The following ZFYVE28 variants were observed in gnomAD, a reference collection of about 807,000 sequenced individuals.
The protein encoded by ZFYVE28 is lateral signaling target protein 2 homolog.
Under a neutral mutation model 82.1 loss-of-function variants are expected in ZFYVE28, and 40 were observed. That is an observed-to-expected ratio of 0.49 (90% CI 0.38 to 0.63). The LOEUF is 0.63. ZFYVE28 is among the 30% of genes least tolerant of loss of function. The pLI is 0.00. For synonymous variants in ZFYVE28, 612 were observed against 546.1 expected (o/e 1.12, Z -1.68); for missense variants, 1,321 against 1,242.1 (o/e 1.06, Z -0.96).
intron 7 of ZFYVE28, among the ~76,000 whole-genome samples, chr4:2,318,186 A>G (rs530358334): frequency 4.6e-5 from 7 of 152,348 alleles, no homozygotes; most frequent in African/African-American, 1.7e-4. Flanking sequence ...AGTAGACTGC[A>G]GCTCACCTCC....
rs1000371024 is a variant in ZFYVE28 at position 2,335,546 on chromosome 4, T to A, written c.701+159A>T. ...CAGGACACGTGGTCCCCTGGTCTGC[T>A]GAGGGCTGACAGCAGGCCTGCCTGT... On this transcript the variant is annotated intron_variant, in intron 6 of 12. Transcript: ENST00000290974. This position sits in a 1 kb window ranked among gnomAD's most constrained non-coding sequence, Gnocchi z 5.8. Among the ~76,000 whole-genome samples the A allele has an allele frequency of 7.9e-5, 12 of 152,266 alleles. No individual in the cohort carries two copies. The highest frequency in any genetic ancestry group is 2.6e-4 in the African/African-American group (11 of 41,546).
intron 1 of ZFYVE28, among the ~76,000 whole-genome samples, chr4:2,374,953 G>T (rs1727961589): frequency 6.6e-6 from 1 of 152,222 alleles, no homozygotes; most frequent in Non-Finnish European, 1.5e-5. Context: ...CCGTGGATAA[G>T]GACAGAGCCC....
At chr4:2,405,244 G>A (rs1009726342) in intron 1 of ZFYVE28, among the ~76,000 whole-genome samples, 24 of 152,244 alleles carry the variant, frequency 1.6e-4, no homozygotes, top group Admixed American at 2.6e-4. Flanking sequence ...TACTCCAAGC[G>A]GCACCGCGAA....
chr4:2,310,023 A>G lies in ZFYVE28; in HGVS notation c.804-4487T>C, dbSNP rs567862811. ...TTTCCATATGTTAAGCCAGTCTTGCATATCTGGAATACATTTCTTTTTTTT... is the reference window on the plus strand; with the variant it reads ...TTTCCATATGTTAAGCCAGTCTTGCGTATCTGGAATACATTTCTTTTTTTT... On this transcript the variant is annotated intron_variant, in intron 7 of 12. Coordinates refer to ENST00000290974, the MANE Select transcript of ZFYVE28 (RefSeq NM_020972.3). 2.6e-5 allele frequency among the ~76,000 whole-genome samples: 4 copies of G among 152,178 alleles called. No individual in the cohort carries two copies. The South Asian group carries it at 8.3e-4, about 32-fold the overall frequency.
chr4:2,352,362 G>A lies in ZFYVE28; in HGVS notation c.180+1571C>T, dbSNP rs115364185. 9.4e-3 allele frequency among the ~76,000 whole-genome samples: 1,429 copies of A among 152,066 alleles called. 19 individuals carry two copies. Among genetic ancestry groups the A allele is most frequent in the African/African-American group, 0.032 (1,340 of 41,434 alleles). On this transcript the variant is annotated intron_variant, in intron 2 of 12. Transcript: ENST00000290974. ...GACAGGAAGAGGCCAAGGACTGGGC[G>A]TGGGACCCACATGGAGGAGGCTGGG...
chr4:2,336,717 A>AAGGAGTAAGGAGGTG lies in ZFYVE28; in HGVS notation c.611+675_611+689dup, dbSNP rs1277115221. The stretch of plus-strand genomic sequence containing the variant: ...GTGAGAATGTGAGAAATAAGGAGCT[A>AAGGAGTAAGGAGGTG]AGGAGTAAGGAGGTGAGGAGTAAGG... On this transcript the variant is annotated intron_variant, in intron 5 of 12. Transcript: ENST00000290974. Among the ~76,000 whole-genome samples, 309 of 144,846 alleles carry AAGGAGTAAGGAGGTG rather than the reference A, an allele frequency of 2.1e-3. 1 individual carries two copies. Among genetic ancestry groups the AAGGAGTAAGGAGGTG allele is most frequent in the African/African-American group, 7.6e-3 (291 of 38,518 alleles).
intron 1 of ZFYVE28, among the ~76,000 whole-genome samples, chr4:2,393,208 G>A (rs755134099): frequency 6.6e-5 from 10 of 152,322 alleles, no homozygotes; most frequent in South Asian, 4.1e-4. Flanking sequence ...AAATCTCACC[G>A]CATCCGCTGC....
chr4:2,395,077 A>G (rs1448018061), intron 1 of ZFYVE28, among the ~76,000 whole-genome samples: 3 of 152,184 alleles, frequency 2.0e-5, no homozygotes, highest in Non-Finnish European at 4.4e-5. Context: ...ATCGTACCCA[A>G]TAAGATAACT....
At chr4:2,403,744 C>G (rs965698752) in intron 1 of ZFYVE28, among the ~76,000 whole-genome samples, 1 of 152,066 alleles carries the variant, frequency 6.6e-6, no homozygotes, top group African/African-American at 2.4e-5. Flanking sequence ...GCAGGTGAAT[C>G]ACCTGAGGTC....
intron 1 of ZFYVE28, among the ~76,000 whole-genome samples, chr4:2,414,396 G>A (rs140820375): frequency 0.011 from 1,687 of 152,340 alleles, 10 homozygotes; most frequent in Non-Finnish European, 0.018. Context: ...CCATGTCATC[G>A]CTAATCTGGG....
Position 2,305,380 on chromosome 4 carries a change from G to C in ZFYVE28, c.960C>G (p.Leu320=), listed in dbSNP as rs980305291. The C allele has an allele frequency of 3.1e-6, 5 of 1,612,792 alleles. No individual in the cohort carries two copies. Among genetic ancestry groups the C allele is most frequent in the Non-Finnish European group, 4.2e-6 (5 of 1,179,818 alleles). Residue 320 remains leucine, a synonymous_variant, in exon 8 of 13, where the codon CTC becomes CTG. Coordinates refer to ENST00000290974, the MANE Select transcript of ZFYVE28 (RefSeq NM_020972.3). The part of the protein sequence containing the change: ...LSAPLPPEGP[L]SAKAKDPDAE... Reference sequence around the variant, plus strand: ...CATCCGGGTCTTTGGCCTTAGCTGAGAGTGGCCCCTCAGGGGGGAGAGGGG... The same window carrying C: ...CATCCGGGTCTTTGGCCTTAGCTGACAGTGGCCCCTCAGGGGGGAGAGGGG...
chr4:2,311,600 G>GTTCT (rs1717482070), intron 7 of ZFYVE28, among the ~76,000 whole-genome samples: 1 of 152,064 alleles, frequency 6.6e-6, no homozygotes, highest in African/African-American at 2.4e-5. Context: ...ATTGACATCT[G>GTTCT]TTCTTATTTT....
intron 1 of ZFYVE28, among the ~76,000 whole-genome samples, chr4:2,371,786 A>G (rs538010100): frequency 6.6e-6 from 1 of 152,380 alleles, no homozygotes; most frequent in Non-Finnish European, 1.5e-5. Flanking sequence ...TCTGGCCACT[A>G]AGGCTGGCCT....
chr4:2,307,661 T>TA (rs1320015422), intron 7 of ZFYVE28, among the ~76,000 whole-genome samples: 3 of 152,178 alleles, frequency 2.0e-5, no homozygotes, highest in African/African-American at 7.2e-5. Flanking sequence ...TATTTTTAAT[T>TA]AAAAAAATTT....
At chr4:2,399,014 G>T (rs1468571663) in intron 1 of ZFYVE28, among the ~76,000 whole-genome samples, 2 of 143,684 alleles carry the variant, frequency 1.4e-5, no homozygotes, top group Non-Finnish European at 3.0e-5. Flanking sequence ...GGAGGGGCGA[G>T]ATCTAGGGCA....
chr4:2,274,751 G>A (rs1458503932), intron 8 of ZFYVE28, among the ~76,000 whole-genome samples: 3 of 152,188 alleles, frequency 2.0e-5, no homozygotes, highest in Non-Finnish European at 2.9e-5. Flanking sequence ...AAAGACAAAC[G>A]TCCTTATAAG....
In ZFYVE28 at chr4:2,396,630, C is replaced by T. The variant is rs112237465; in HGVS notation, c.39+21655G>A. ...GCCATCCTGCAGAGGGGACACAAGG[C>T]GGGGGTGTCTGAGCTGATGGGACCA... On this transcript the variant is annotated intron_variant, in intron 1 of 12. Coordinates refer to ENST00000290974, the MANE Select transcript of ZFYVE28 (RefSeq NM_020972.3). Among the ~76,000 whole-genome samples the T allele has an allele frequency of 2.7e-3, 39 of 14,190 alleles. 11 individuals are homozygous for T. Among genetic ancestry groups the T allele is most frequent in the African/African-American group, 0.025 (27 of 1,062 alleles). 9.3% of individuals were successfully genotyped at this position (14,190 alleles called of 152,430 possible). A position where few individuals can be genotyped will look rare whatever the true frequency, so the allele number is the denominator to read the frequency against.
At chr4:2,343,467 G>C (rs1302711770) in intron 2 of ZFYVE28, 3 of 152,198 alleles carry the variant, frequency 2.0e-5, no homozygotes, top group Non-Finnish European at 4.4e-5. Context: ...TAAGAAAAAT[G>C]TTAAGCCTTT....
In ZFYVE28 at chr4:2,339,301, A is replaced by G; in HGVS notation, c.521+152T>C. ...ACCTCACCTCCACGCTATGCTCTCC[A>G]GGGCTTAACCCCACCCACAGGCGGC... On this transcript the variant is annotated intron_variant, in intron 4 of 12. Coordinates refer to ENST00000290974, the MANE Select transcript of ZFYVE28 (RefSeq NM_020972.3). The surrounding 1 kb of genome is among the most constrained non-coding windows in gnomAD (Gnocchi z 5.0). 3 of 808,850 alleles carry G rather than the reference A, an allele frequency of 3.7e-6. No homozygotes were observed. The highest frequency in any genetic ancestry group is 1.8e-5 in the South Asian group (1 of 56,996). The allele number at this position is 808,850 out of a possible 1,614,324, so 50.1% of individuals were successfully genotyped here. A position where few individuals can be genotyped will look rare whatever the true frequency, so the allele number is the denominator to read the frequency against.
Sources: allele counts gnomAD v4.1 joint callset (sites outside exome capture counted in the v4.1 genomes callset), GRCh38; gene constraint gnomAD v4.1.1; non-coding constraint Gnocchi (gnomAD v3.1); transcripts MANE v1.5; gene names NCBI Gene and HGNC (gene_info 2026-07-23, HGNC 2026-07-21).